Variants in CALN1 observed in about 807,000 individuals in gnomAD.
The protein encoded by CALN1 is calneuron 1, also known as calcium-binding protein 8.
Under a neutral mutation model 30.6 loss-of-function variants are expected in CALN1, and 17 were observed. That is an observed-to-expected ratio of 0.56 (90% CI 0.38 to 0.83). The LOEUF (loss-of-function observed/expected upper bound fraction) is 0.83, where lower values mean the gene tolerates loss of function less well. CALN1 is among the 40% of genes least tolerant of loss of function. The pLI, the probability that CALN1 is intolerant of heterozygous loss-of-function variation, is 0.00. For synonymous variants in CALN1, 156 were observed against 131.4 expected (o/e 1.19, Z -1.28); for missense variants, 291 against 354.9 (o/e 0.82, Z 1.45).
At chr7:71,823,267 T>G (rs1788698185) in intron 5 of CALN1, among the ~76,000 whole-genome samples, 1 of 152,080 alleles carries the variant, frequency 6.6e-6, no homozygotes, top group African/African-American at 2.4e-5. Context: ...ACTGTAGCCT[T>G]GACCTCCTGG....
chr7:72,163,506 G>A (rs1214072187), intron 3 of CALN1, among the ~76,000 whole-genome samples: 2 of 151,764 alleles, frequency 1.3e-5, no homozygotes, highest in African/African-American at 4.8e-5. Context: ...TTTAAAAGAG[G>A]AATTAAAATG....
intron 3 of CALN1, among the ~76,000 whole-genome samples, chr7:72,174,610 A>G (rs185074360): frequency 3.7e-4 from 57 of 152,366 alleles, no homozygotes; most frequent in Non-Finnish European, 7.8e-4. Context: ...ACACAGATGA[A>G]TCTCAAAATA....
chr7:72,167,410 T>C (rs1252753995), intron 3 of CALN1, among the ~76,000 whole-genome samples: 2 of 152,234 alleles, frequency 1.3e-5, no homozygotes, highest in African/African-American at 4.8e-5. Flanking sequence ...AGTGATGCGA[T>C]CTAGGCTCAC....
At chr7:72,175,096 C>A (rs1789251798) in intron 3 of CALN1, among the ~76,000 whole-genome samples, 1 of 150,486 alleles carries the variant, frequency 6.6e-6, no homozygotes, top group African/African-American at 2.4e-5. Flanking sequence ...TTTTTTGAGA[C>A]AGAGTCTCAC....
intron 5 of CALN1, among the ~76,000 whole-genome samples, chr7:71,974,819 C>T (rs1169638783): frequency 1.3e-5 from 2 of 152,330 alleles, no homozygotes; most frequent in Non-Finnish European, 2.9e-5. Flanking sequence ...GCCTACGGCT[C>T]TGTAGCTCCG....
chr7:72,032,762 G>C (rs939155640), intron 4 of CALN1, among the ~76,000 whole-genome samples: 1 of 152,124 alleles, frequency 6.6e-6, no homozygotes, highest in South Asian at 2.1e-4. Context: ...TTCTCTATGG[G>C]TGCTCCATTC....
At chr7:72,240,077 C>T in intron 3 of CALN1, among the ~76,000 whole-genome samples, 1 of 152,112 alleles carries the variant, frequency 6.6e-6, no homozygotes, top group Admixed American at 6.5e-5. Flanking sequence ...CAAGTTCTAG[C>T]TGTAATGACT....
intron 2 of CALN1, among the ~76,000 whole-genome samples, chr7:72,391,709 TTTG>T (rs1248022081): frequency 2.6e-5 from 4 of 152,012 alleles, no homozygotes; most frequent in Admixed American, 1.3e-4. Flanking sequence ...CACAAGTTTT[TTTG>T]TTTTTTGTTT....
chr7:72,136,457 T>C (rs1186520591), intron 3 of CALN1, among the ~76,000 whole-genome samples: 1 of 152,230 alleles, frequency 6.6e-6, no homozygotes, highest in Admixed American at 6.5e-5. Flanking sequence ...TAAGGGAATG[T>C]TGTGGCTGGT....
rs138886533 is a variant in CALN1 at position 71,820,568 on chromosome 7, A to T, written c.502-10076T>A. ...ATAGACATAAAGTAGAAGCAGCCCA[A>T]GTGTCTGCTATGGATGTAGGTGTAC... On this transcript the variant is annotated intron_variant, in intron 5 of 6. Transcript: ENST00000395275. 3.1e-3 allele frequency among the ~76,000 whole-genome samples: 465 copies of T among 152,342 alleles called. 4 individuals carry two copies. Among genetic ancestry groups the T allele is most frequent in the Middle Eastern group, 0.024 (7 of 294 alleles).
At chr7:71,962,064 C>G (rs949659230) in intron 5 of CALN1, among the ~76,000 whole-genome samples, 3 of 151,458 alleles carry the variant, frequency 2.0e-5, no homozygotes, top group African/African-American at 7.3e-5. Flanking sequence ...TCTCATAAAA[C>G]AAGATGCAAG....
At chr7:72,077,416 G>T (rs1804822609) in intron 4 of CALN1, among the ~76,000 whole-genome samples, 2 of 152,142 alleles carry the variant, frequency 1.3e-5, no homozygotes, top group African/African-American at 4.8e-5. Flanking sequence ...TGGGATTACA[G>T]GCGTACACCA....
intron 5 of CALN1, among the ~76,000 whole-genome samples, chr7:71,873,096 C>G (rs868162156): frequency 6.7e-6 from 1 of 149,874 alleles, no homozygotes; most frequent in African/African-American, 2.5e-5. Flanking sequence ...CTTTGCCTCC[C>G]GGATTCAAGC....
chr7:72,193,297 C>T (rs569250260), intron 3 of CALN1, among the ~76,000 whole-genome samples: 1 of 151,972 alleles, frequency 6.6e-6, no homozygotes, highest in Non-Finnish European at 1.5e-5. Context: ...CCTGGGAGAT[C>T]GAGCCTGCAG....
At chr7:71,992,985 T>A (rs780732646) in intron 5 of CALN1, among the ~76,000 whole-genome samples, 7 of 151,992 alleles carry the variant, frequency 4.6e-5, no homozygotes, top group African/African-American at 1.7e-4. Flanking sequence ...GAGAAAGAGT[T>A]CCCTTCGCTC....
At chr7:72,067,284 C>T (rs1017657986) in intron 4 of CALN1, among the ~76,000 whole-genome samples, 3 of 152,186 alleles carry the variant, frequency 2.0e-5, no homozygotes, top group Admixed American at 2.0e-4. Flanking sequence ...CTCTGTCACC[C>T]AGGCTGGAGT....
chr7:71,965,369 T>A (rs890776440), intron 5 of CALN1, among the ~76,000 whole-genome samples: 1 of 152,162 alleles, frequency 6.6e-6, no homozygotes, highest in African/African-American at 2.4e-5. Context: ...GTTTAGATAC[T>A]AAGATACTAC....
chr7:72,051,289 G>A (rs1802822627), intron 4 of CALN1, among the ~76,000 whole-genome samples: 1 of 151,852 alleles, frequency 6.6e-6, no homozygotes, highest in African/African-American at 2.4e-5. Flanking sequence ...AAGCTATGCA[G>A]CCACAAATAC....
intron 4 of CALN1, among the ~76,000 whole-genome samples, chr7:72,024,852 G>A (rs1800952862): frequency 6.6e-6 from 1 of 152,158 alleles, no homozygotes; most frequent in African/African-American, 2.4e-5. Context: ...CTCTGTCCGG[G>A]ATGCCTTCCC....
Sources: allele counts gnomAD v4.1 joint callset (sites outside exome capture counted in the v4.1 genomes callset), GRCh38; gene constraint gnomAD v4.1.1; transcripts MANE v1.5; gene names NCBI Gene and HGNC (gene_info 2026-07-23, HGNC 2026-07-21).